Variants in MRS2 observed in about 807,000 individuals in gnomAD.
MRS2 encodes the protein magnesium transporter MRS2 homolog, mitochondrial.
MRS2 carries 40 observed loss-of-function variants against 52.6 expected under a neutral mutation model. The observed-to-expected ratio is 0.76, with a 90% confidence interval of 0.59 to 0.99. The LOEUF is 0.99. MRS2 is among the 50% of genes least tolerant of loss of function. MRS2 has a pLI of 0.00. For synonymous variants in MRS2, 193 were observed against 195.9 expected (o/e 0.98, Z 0.13); for missense variants, 472 against 532.7 (o/e 0.89, Z 1.12).
chr6:24,424,949 C>G lies in MRS2; in HGVS notation c.*1255C>G, dbSNP rs891845998. The stretch of plus-strand genomic sequence containing the variant: ...AAGTACAAGTAAGGTTTCCCCACTC[C>G]TGTGTGTGGTCATGGGAAGCCATTA... On this transcript the variant is annotated 3_prime_UTR_variant, in exon 11 of 11. Transcript: ENST00000378386. 6.6e-6 allele frequency: 1 copy of G among 152,048 alleles called. No individual in the cohort carries two copies. The highest frequency in any genetic ancestry group is 2.4e-5 in the African/African-American group (1 of 41,400). 9.4% of individuals were successfully genotyped at this position (152,048 alleles called of 1,614,324 possible).
At chr6:24,407,552 CTG>C (rs1404633424) in intron 2 of MRS2, among the ~76,000 whole-genome samples, 2 of 152,200 alleles carry the variant, frequency 1.3e-5, no homozygotes, top group Non-Finnish European at 2.9e-5. Flanking sequence ...TCAAACTTGA[CTG>C]TGGATAAACA....
At chr6:24,418,325 T>C in intron 8 of MRS2, 89 bp downstream of exon 8, 6 of 1,490,614 alleles carry the variant, frequency 4.0e-6, no homozygotes, top group African/African-American at 1.4e-5. Flanking sequence ...AATTACGCCA[T>C]CATTATCATC....
chr6:24,420,845 C>T (rs2127297157), intron 9 of MRS2, among the ~76,000 whole-genome samples: 1 of 152,162 alleles, frequency 6.6e-6, no homozygotes, highest in South Asian at 2.1e-4. Flanking sequence ...GTTAGAAGAG[C>T]ATGAGTCAGG....
rs1337536391 is a variant in MRS2 at position 24,424,622 on chromosome 6, C to G, written c.*928C>G. The G allele has an allele frequency of 6.6e-6, 1 of 152,180 alleles. No homozygotes were observed. The highest frequency in any genetic ancestry group is 6.5e-5 in the Admixed American group (1 of 15,280). 9.4% of individuals were successfully genotyped at this position (152,180 alleles called of 1,614,324 possible). On this transcript the variant is annotated 3_prime_UTR_variant, in exon 11 of 11. Coordinates refer to ENST00000378386, the MANE Select transcript of MRS2 (RefSeq NM_020662.4). ...TGGCTAATATTTGTAAGCCTGAAAG[C>G]TGCCATCCTCTTTAACATCCTACCT...
At chr6:24,422,860 C>G in intron 9 of MRS2, 77 bp from the exon 10 acceptor site, 2 of 984,070 alleles carry the variant, frequency 2.0e-6, no homozygotes, top group Non-Finnish European at 3.1e-6. Context: ...CTTTCAAACT[C>G]TGGGGCAGTA....
chr6:24,409,693 C>A (rs1465537587), intron 4 of MRS2, 120 bp downstream of exon 4: 2 of 614,520 alleles, frequency 3.3e-6, no homozygotes, highest in Non-Finnish European at 2.8e-6. Context: ...CTACCTGAAA[C>A]ATAGGATGTT....
At chr6:24,414,423 C>T (rs1312332425) in intron 5 of MRS2, among the ~76,000 whole-genome samples, 1 of 151,698 alleles carries the variant, frequency 6.6e-6, no homozygotes, top group Admixed American at 6.6e-5. Flanking sequence ...TCCATTTAAC[C>T]CTGAGTGGAC....
intron 4 of MRS2, 25 bp from the exon 5 acceptor site, chr6:24,412,197 G>GT: frequency 1.5e-6 from 2 of 1,341,842 alleles, no homozygotes; most frequent in South Asian, 2.9e-5. Flanking sequence ...ATATTTATAT[G>GT]TTTTGGTTTT....
In MRS2 at chr6:24,424,300, C is replaced by T. The variant is rs539257087; in HGVS notation, c.*606C>T. On this transcript the variant is annotated 3_prime_UTR_variant, in exon 11 of 11. Transcript: ENST00000378386. ...ATTCCTAATCAAGATTTCACGTTCT[C>T]AGCCCCTGAGACTAGTTTTCTTTGC... The T allele has an allele frequency of 7.3e-5, 11 of 151,448 alleles. No homozygotes were observed. The highest frequency in any genetic ancestry group is 2.5e-4 in the African/African-American group (10 of 40,782). 9.4% of individuals were successfully genotyped at this position (151,448 alleles called of 1,614,324 possible).
In MRS2 at chr6:24,417,962, AAGAC is replaced by A. The variant is rs1761909191; in HGVS notation, c.837-120_837-117del. 6.5e-6 allele frequency: 5 copies of A among 770,982 alleles called. No individual in the cohort carries two copies. The Admixed American group carries it at 1.2e-4, about 19-fold the overall frequency. The allele number at this position is 770,982 out of a possible 1,614,324, so 47.8% of individuals were successfully genotyped here. A position where few individuals can be genotyped will look rare whatever the true frequency, so the allele number is the denominator to read the frequency against. On this transcript the variant is annotated intron_variant, in intron 7 of 10. Transcript: ENST00000378386. The stretch of plus-strand genomic sequence containing the variant: ...TCTCAAAAAAAAAAAAAGACAAGAC[AAGAC>A]AAAGGCTAGCTTTTCCACTGGTAGC...
chr6:24,423,319 C>A, intron 10 of MRS2: 1 of 476,608 alleles, frequency 2.1e-6, no homozygotes, highest in Non-Finnish European at 3.7e-6. Context: ...ACTCTGACAA[C>A]ATACATTTAA....
rs761489410 is a variant in MRS2 at position 24,416,440 on chromosome 6, A to G, written c.763A>G (p.Ile255Val). Residue 255 changes from isoleucine (I) to valine (V), a missense_variant, in exon 7 of 11, where the codon ATT becomes GTT. By Grantham distance (29) the Ile-to-Val change is conservative (BLOSUM62 3). Transcript: ENST00000378386. The part of the protein sequence containing the change: ...ETDIKIFKES[I>V]LEILDEEELL... The stretch of plus-strand genomic sequence containing the variant: ...AGATATTAAAATTTTCAAAGAGTCA[A>G]TTTTGGAGATCTTGGATGAGGAAGA... The G allele has an allele frequency of 1.2e-5, 20 of 1,602,524 alleles. No homozygotes were observed. Among genetic ancestry groups the G allele is most frequent in the Non-Finnish European group, 1.5e-5 (18 of 1,170,680 alleles).
intron 7 of MRS2, among the ~76,000 whole-genome samples, chr6:24,416,991 A>T (rs1761874844): frequency 6.6e-6 from 1 of 152,130 alleles, no homozygotes; most frequent in Non-Finnish European, 1.5e-5. Flanking sequence ...CTCCAGCTAA[A>T]TGTTTACTTT....
intron 6 of MRS2, 77 bp downstream of exon 6, chr6:24,415,240 A>AC (rs1413229415): frequency 6.9e-7 from 1 of 1,448,430 alleles, no homozygotes; most frequent in Non-Finnish European, 9.3e-7. Flanking sequence ...TTGTTTCATA[A>AC]CTTTTTTTAA....
intron 2 of MRS2, among the ~76,000 whole-genome samples, chr6:24,406,095 A>C: frequency 8.3e-6 from 1 of 120,470 alleles, no homozygotes; most frequent in African/African-American, 2.9e-5. Flanking sequence ...ACAGAGTGAG[A>C]CTCCATCTCA....
intron 7 of MRS2, 52 bp downstream of exon 7, chr6:24,416,565 C>A: frequency 2.1e-6 from 2 of 953,374 alleles, no homozygotes; most frequent in African/African-American, 1.7e-5. Flanking sequence ...AAATCTTTTG[C>A]CTTTTCCACT....
At chr6:24,412,090 T>C in intron 4 of MRS2, 132 bp from the exon 5 acceptor site, 1 of 489,756 alleles carries the variant, frequency 2.0e-6, no homozygotes, top group Non-Finnish European at 3.3e-6. Context: ...AACCAAATTT[T>C]ATGAATGTTC....
chr6:24,418,679 A>G, intron 9 of MRS2, 101 bp downstream of exon 9: 1 of 867,180 alleles, frequency 1.2e-6, no homozygotes, highest in Non-Finnish European at 1.9e-6. Context: ...CAGGTGGATC[A>G]CCTGAGGTCA....
In MRS2 at chr6:24,426,121, TA is replaced by T. The variant is rs1762229723; in HGVS notation, c.*2428del. On this transcript the variant is annotated 3_prime_UTR_variant, in exon 11 of 11. Transcript: ENST00000378386. ...AAAGCTGTTACATATACGCAGATAG[TA>T]GCAAGACAGAAAATGCAAATATGTA... 6.6e-6 allele frequency: 1 copy of T among 152,198 alleles called. No homozygotes were observed. Among genetic ancestry groups the T allele is most frequent in the South Asian group, 2.1e-4 (1 of 4,832 alleles). 9.4% of individuals were successfully genotyped at this position (152,198 alleles called of 1,614,324 possible). A position where few individuals can be genotyped will look rare whatever the true frequency, so the allele number is the denominator to read the frequency against.
Sources: gnomAD v4.1 joint callset for allele counts (sites outside exome capture counted in the v4.1 genomes callset) on GRCh38, gnomAD v4.1.1 for gene constraint, MANE v1.5 for transcripts, NCBI Gene and HGNC (gene_info 2026-07-23, HGNC 2026-07-21) for gene names.